ZNF423: variants seen among roughly 807,000 people sequenced by gnomAD.
The protein encoded by ZNF423 is zinc finger protein 423.
ZNF423 carries 12 observed loss-of-function variants against 95.8 expected under a neutral mutation model. The ratio of observed to expected loss-of-function variants is 0.13; its 90% CI spans 0.08 to 0.20. The LOEUF is 0.20. Among genes scored for constraint, ZNF423 ranks in the 10% least tolerant of loss-of-function variants. The pLI, the probability that ZNF423 is intolerant of heterozygous loss-of-function variation, is 1.00. For synonymous variants in ZNF423, 749 were observed against 711.9 expected (o/e 1.05, Z -0.83); for missense variants, 1,316 against 1,737.1 (o/e 0.76, Z 4.31).
chr16:49,819,080 G>A (rs1159069305), intron 1 of ZNF423, among the ~76,000 whole-genome samples: 4 of 151,480 alleles, frequency 2.6e-5, no homozygotes, highest in African/African-American at 7.3e-5. Flanking sequence ...GTGAAACCCC[G>A]TCTCTACTAA....
intron 3 of ZNF423, among the ~76,000 whole-genome samples, chr16:49,678,780 G>T (rs2151935002): frequency 6.6e-6 from 1 of 152,334 alleles, no homozygotes; most frequent in Admixed American, 6.5e-5. Flanking sequence ...TAGCTGTTGT[G>T]CCCTGGGGTG....
chr16:49,821,109 T>C (rs917518438), intron 1 of ZNF423, among the ~76,000 whole-genome samples: 8 of 152,294 alleles, frequency 5.3e-5, no homozygotes, highest in African/African-American at 1.7e-4. Flanking sequence ...AAGCCACTTT[T>C]GGAGATTTTA....
At chr16:49,573,913 G>A (rs528447243) in intron 5 of ZNF423, among the ~76,000 whole-genome samples, 1 of 152,282 alleles carries the variant, frequency 6.6e-6, no homozygotes, top group East Asian at 1.9e-4. Flanking sequence ...ACTAGATCAG[G>A]GATGCGTACA....
At chr16:49,551,700 G>A (rs909668754) in intron 5 of ZNF423, among the ~76,000 whole-genome samples, 15 of 152,330 alleles carry the variant, frequency 9.8e-5, no homozygotes, top group South Asian at 8.3e-4. Flanking sequence ...TTCCTCCCAG[G>A]AAGGGTGAGG....
At chr16:49,854,321 T>C in intron 1 of ZNF423, 1 of 985,410 alleles carries the variant, frequency 1.0e-6, no homozygotes, top group Non-Finnish European at 1.2e-6. Context: ...GGATCTCTGC[T>C]GGGCCGGGGG....
At chr16:49,669,836 TC>T (rs149712277) in intron 3 of ZNF423, among the ~76,000 whole-genome samples, 3,025 of 152,142 alleles carry the variant, frequency 0.02, 83 homozygotes, top group African/African-American at 0.07. Context: ...TCCCTTCTAC[TC>T]TACTCCAAGC....
intron 5 of ZNF423, among the ~76,000 whole-genome samples, chr16:49,533,819 A>G (rs1968946844): frequency 6.6e-6 from 1 of 152,154 alleles, no homozygotes; most frequent in South Asian, 2.1e-4. Flanking sequence ...AAGGTTGTCC[A>G]CCTCACAGGG....
rs1270999081 is a variant in ZNF423, at chr16:49,820,993, C to T, written c.41-31447G>A. 3.3e-5 allele frequency among the ~76,000 whole-genome samples: 5 copies of T among 152,330 alleles called. No homozygotes were observed. In the East Asian group the frequency reaches 5.8e-4, roughly 18 times the overall value. On this transcript the variant is annotated intron_variant, in intron 1 of 7. Coordinates refer to ENST00000563137, the MANE Select transcript of ZNF423 (RefSeq NM_001379286.1). ...TCTATGCCACAGTCTCTAACTGCTCCACGCATTTTCCCAACCCTTGGAGCC... is the reference window on the plus strand; with the variant it reads ...TCTATGCCACAGTCTCTAACTGCTCTACGCATTTTCCCAACCCTTGGAGCC...
chr16:49,650,327 T>C (rs1973352164), intron 3 of ZNF423, among the ~76,000 whole-genome samples: 1 of 152,244 alleles, frequency 6.6e-6, no homozygotes, highest in African/African-American at 2.4e-5. Context: ...GGAAAATTAC[T>C]GCCCCTCTCT....
At chr16:49,583,233 G>GT (rs556555497) in intron 5 of ZNF423, among the ~76,000 whole-genome samples, 196 of 152,306 alleles carry the variant, frequency 1.3e-3, no homozygotes, top group African/African-American at 4.6e-3. Context: ...GCAATGGTGG[G>GT]TTTTTTCATT....
rs536736136 is a variant in ZNF423, at chr16:49,539,290, G to C, written c.3602-13796C>G. On this transcript the variant is annotated intron_variant, in intron 5 of 7. Coordinates refer to ENST00000563137, the MANE Select transcript of ZNF423 (RefSeq NM_001379286.1). ...CTCTTCATGTCCGGGAGCAAGGCTT[G>C]CTCTGTGGGGGTGACGCGGTGGGGC... 2.0e-4 allele frequency among the ~76,000 whole-genome samples: 31 copies of C among 152,310 alleles called. No homozygotes were observed. The East Asian group carries it at 5.6e-3, about 27-fold the overall frequency.
At chr16:49,505,680 T>G (rs568304164) in intron 7 of ZNF423, among the ~76,000 whole-genome samples, 1 of 152,312 alleles carries the variant, frequency 6.6e-6, no homozygotes, top group South Asian at 2.1e-4. Flanking sequence ...GGGAAACACG[T>G]AGGTGTACAT....
At chr16:49,503,297 G>A (rs553003922) in intron 7 of ZNF423, among the ~76,000 whole-genome samples, 7 of 152,164 alleles carry the variant, frequency 4.6e-5, no homozygotes, top group Admixed American at 3.9e-4. Context: ...AGCACAGTCC[G>A]GGTTGTCTCC....
At position 49,638,950 on chromosome 16, in the gene ZNF423, G is replaced by A. The variant is rs1040656744; in HGVS notation, c.302-76C>T. On this transcript the variant is annotated intron_variant, in intron 3 of 7. Transcript: ENST00000563137. The surrounding 1 kb of genome is among the most constrained non-coding windows in gnomAD (Gnocchi z 5.6). ...GAAACAAGGACAGAGCCAGCTTCTC[G>A]ACAGCACGCGGGCTGAGGCTGTGCA... 105 of 1,500,996 alleles carry A rather than the reference G, an allele frequency of 7.0e-5. No homozygotes were observed. The African/African-American group carries it at 7.2e-4, about 10-fold the overall frequency. 93.0% of individuals were successfully genotyped at this position (1,500,996 alleles called of 1,614,324 possible).
rs557685300 is a variant in ZNF423, at chr16:49,502,143, C to T, written c.3850-10839G>A. Among the ~76,000 whole-genome samples, 8 of 152,342 alleles carry T rather than the reference C, an allele frequency of 5.3e-5. No homozygotes were observed. The South Asian group carries it at 1.7e-3, about 32-fold the overall frequency. On this transcript the variant is annotated intron_variant, in intron 7 of 7. Transcript: ENST00000563137. ...CAGGTTGAATCTGGCCCTCGGGCCA[C>T]CAGCTTGAGACCTCTGGGGTTGGTG... is the stretch of plus-strand genomic sequence containing the variant.
chr16:49,848,404 A>C (rs2035267535), intron 1 of ZNF423, among the ~76,000 whole-genome samples: 1 of 152,216 alleles, frequency 6.6e-6, no homozygotes. Context: ...CTGCAAATGA[A>C]TATTCAAAAC....
intron 3 of ZNF423, among the ~76,000 whole-genome samples, chr16:49,681,788 C>G (rs1056649346): frequency 6.6e-6 from 1 of 152,082 alleles, no homozygotes; most frequent in African/African-American, 2.4e-5. Flanking sequence ...CTTTTTAAGA[C>G]AGGGACTTGC....
intron 3 of ZNF423, among the ~76,000 whole-genome samples, chr16:49,696,853 C>A (rs1401653060): frequency 6.6e-6 from 1 of 152,222 alleles, no homozygotes; most frequent in Non-Finnish European, 1.5e-5. Context: ...AGGACCAGCC[C>A]CCTGTCTCCT....
At chr16:49,546,018 G>A (rs575768486) in intron 5 of ZNF423, among the ~76,000 whole-genome samples, 1 of 152,300 alleles carries the variant, frequency 6.6e-6, no homozygotes, top group South Asian at 2.1e-4. Flanking sequence ...TAAGGATAGA[G>A]GCAATTAAAT....
Sources: allele counts gnomAD v4.1 joint callset (sites outside exome capture counted in the v4.1 genomes callset), GRCh38; gene constraint gnomAD v4.1.1; non-coding constraint Gnocchi (gnomAD v3.1); transcripts MANE v1.5; gene names NCBI Gene and HGNC (gene_info 2026-07-23, HGNC 2026-07-21).